Variants in KMT2C observed in about 807,000 individuals in gnomAD.
The protein encoded by KMT2C is histone-lysine N-methyltransferase 2C.
In KMT2C, 88 loss-of-function variants were observed where a neutral mutation model predicts 507.9. The ratio of observed to expected loss-of-function variants is 0.17; its 90% CI spans 0.15 to 0.21. The LOEUF is 0.21. Ranked by LOEUF, KMT2C falls within the 10% of genes least tolerant of loss-of-function variation. The pLI is 1.00. For missense variants in KMT2C, 4,954 were observed against 5,957.8 expected, an observed-to-expected ratio of 0.83 and a Z score of 5.55; for synonymous variants, 2,049 against 2,080.8, an observed-to-expected ratio of 0.98 and a Z score of 0.42.
intron 43 of KMT2C, 76 bp from the exon 44 acceptor site, chr7:152,159,148 A>G: frequency 8.4e-7 from 1 of 1,195,708 alleles, no homozygotes; most frequent in Middle Eastern, 2.1e-4. Context: ...GTGCCAAGCT[A>G]TGACGCGTCA....
rs2129108458 is a variant in KMT2C at position 152,171,252 on chromosome 7, A to G, written c.9453+12T>C. ...CGTGCATTCTAGAGGGACTCATTAC[A>G]GGCAGTGTTACCTGAGGAATGGCCT... On this transcript the variant is annotated intron_variant, in intron 40 of 58. Transcript: ENST00000262189. 2 of 1,584,074 alleles carry G rather than the reference A, an allele frequency of 1.3e-6. No individual in the cohort carries two copies. The highest frequency in any genetic ancestry group is 1.7e-6 in the Non-Finnish European group (2 of 1,160,884).
At chr7:152,152,479 C>T (rs2091711214) in intron 49 of KMT2C, among the ~76,000 whole-genome samples, 1 of 152,208 alleles carries the variant, frequency 6.6e-6, no homozygotes, top group African/African-American at 2.4e-5. Context: ...AGATGGCTGG[C>T]ACTCACATAG....
At chr7:152,362,187 T>C (rs2097202465) in intron 1 of KMT2C, among the ~76,000 whole-genome samples, 1 of 152,232 alleles carries the variant, frequency 6.6e-6, no homozygotes, top group Non-Finnish European at 1.5e-5. Flanking sequence ...AAATAAAATT[T>C]TGTAAGGAGC....
intron 1 of KMT2C, among the ~76,000 whole-genome samples, chr7:152,427,202 G>A (rs10267990): frequency 0.023 from 3,457 of 152,112 alleles, 135 homozygotes; most frequent in African/African-American, 0.08. Flanking sequence ...TTTTAGTAGA[G>A]ACGGGGTTTC....
intron 51 of KMT2C, among the ~76,000 whole-genome samples, chr7:152,149,868 G>T (rs1225893610): frequency 6.6e-6 from 1 of 152,006 alleles, no homozygotes; most frequent in African/African-American, 2.4e-5. Context: ...AAAAAGACAT[G>T]CCTTATACCA....
chr7:152,224,219 T>C (rs1360503136), intron 19 of KMT2C, 40 bp from the exon 20 acceptor site: 13 of 1,569,058 alleles, frequency 8.3e-6, no homozygotes, highest in Non-Finnish European at 1.1e-5. Flanking sequence ...AATTTTATTT[T>C]CTTAGTTACT....
intron 37 of KMT2C, among the ~76,000 whole-genome samples, chr7:152,178,377 C>G (rs1015716858): frequency 6.6e-6 from 1 of 151,960 alleles, no homozygotes; most frequent in Non-Finnish European, 1.5e-5. Flanking sequence ...TAGGGAGGTT[C>G]GATGGAGGAA....
chr7:152,177,964 G>T lies in KMT2C; in HGVS notation c.7489C>A (p.Arg2497Ser), dbSNP rs150994342. Residue 2497 changes from arginine to serine, a missense_variant, in exon 38 of 59, where the codon CGC (arginine) becomes AGC (serine). By Grantham distance (110) the Arg-to-Ser change is moderately radical. Coordinates refer to ENST00000262189, the MANE Select transcript of KMT2C (RefSeq NM_170606.3). ...GSHGTMPSQE[R>S]FLVPPQQIQG... ...ATTTGCTGAGGAGGCACAAGGAAGC[G>T]CTCTTGACTCGGCATGGTACCATGA... The T allele has an allele frequency of 6.4e-7, 1 of 1,569,750 alleles. No homozygotes were observed. The highest frequency in any genetic ancestry group is 8.6e-7 in the Non-Finnish European group (1 of 1,169,148).
At chr7:152,188,202 AGAGT>A (rs1230776852) in intron 31 of KMT2C, among the ~76,000 whole-genome samples, 1 of 152,256 alleles carries the variant, frequency 6.6e-6, no homozygotes, top group African/African-American at 2.4e-5. Context: ...TAATACTTAA[AGAGT>A]GACTTTTGGC....
intron 6 of KMT2C, among the ~76,000 whole-genome samples, chr7:152,300,730 G>A (rs1410395935): frequency 6.6e-6 from 1 of 152,162 alleles, no homozygotes; most frequent in Admixed American, 6.5e-5. Context: ...ACAAATATAT[G>A]GTTGTGATCT....
intron 36 of KMT2C, 115 bp downstream of exon 36, chr7:152,180,596 T>A: frequency 1.3e-6 from 1 of 791,096 alleles, no homozygotes; most frequent in Non-Finnish European, 1.9e-6. Context: ...TATGACAAAC[T>A]CTACAGAATA....
chr7:152,383,542 T>C (rs1335502236), intron 1 of KMT2C, among the ~76,000 whole-genome samples: 1 of 151,492 alleles, frequency 6.6e-6, no homozygotes, highest in Non-Finnish European at 1.5e-5. Flanking sequence ...GGGATTATAT[T>C]ACACATGTTA....
At chr7:152,277,555 C>T (rs2096106762) in intron 6 of KMT2C, among the ~76,000 whole-genome samples, 1 of 152,152 alleles carries the variant, frequency 6.6e-6, no homozygotes, top group African/African-American at 2.4e-5. Context: ...CCACTTATTT[C>T]TATATCCTTA....
chr7:152,360,898 T>G (rs1232317244), intron 1 of KMT2C, among the ~76,000 whole-genome samples: 4 of 151,274 alleles, frequency 2.6e-5, no homozygotes, highest in African/African-American at 9.7e-5. Context: ...GTTTTATAAT[T>G]AAACTACTAA....
intron 23 of KMT2C, among the ~76,000 whole-genome samples, chr7:152,212,179 C>T (rs2094470637): frequency 6.6e-6 from 1 of 152,156 alleles, no homozygotes; most frequent in Non-Finnish European, 1.5e-5. Flanking sequence ...ATCTAGATGA[C>T]TAATCTCTGG....
chr7:152,162,061 G>C (rs543513406), intron 43 of KMT2C, 56 bp downstream of exon 43: 14 of 1,482,106 alleles, frequency 9.4e-6, no homozygotes, highest in South Asian at 6.0e-5. Context: ...CTAATCTGCT[G>C]TAAGTATAAT....
intron 32 of KMT2C, 87 bp from the exon 33 acceptor site, chr7:152,187,563 CAA>C (rs2093663015): frequency 7.0e-7 from 1 of 1,426,136 alleles, no homozygotes; most frequent in African/African-American, 1.5e-5. Context: ...AAACCTATTA[CAA>C]AACAGTTAAA....
chr7:152,408,408 A>G (rs1355757351), intron 1 of KMT2C, among the ~76,000 whole-genome samples: 4 of 152,256 alleles, frequency 2.6e-5, no homozygotes, highest in Non-Finnish European at 4.4e-5. Context: ...ATATATTAAA[A>G]AAATTATTCT....
chr7:152,177,138 A>G lies in KMT2C; in HGVS notation c.8315T>C (p.Met2772Thr). 1 of 1,613,662 alleles carries G rather than the reference A, an allele frequency of 6.2e-7. No homozygotes were observed. Among genetic ancestry groups the G allele is most frequent in the Non-Finnish European group, 8.5e-7 (1 of 1,179,952 alleles). The change falls in exon 38 of 59, where the codon ATG becomes ACG. Residue 2772 changes from methionine (M) to threonine (T), a missense_variant. Transcript: ENST00000262189. ...TGGAAGGTCTAGTTCCTCATTAAACATGCTTTTCTTATCTCCCATGTCAAG... is the reference window on the plus strand; with the variant it reads ...TGGAAGGTCTAGTTCCTCATTAAACGTGCTTTTCTTATCTCCCATGTCAAG... ...PELDMGDKKS[M>T]FNEELDLPID...
Sources: gnomAD v4.1 joint callset for allele counts (sites outside exome capture counted in the v4.1 genomes callset) on GRCh38, gnomAD v4.1.1 for gene constraint, MANE v1.5 for transcripts, NCBI Gene and HGNC (gene_info 2026-07-23, HGNC 2026-07-21) for gene names.